The following OSBPL10 variants were observed in gnomAD, a reference collection of about 807,000 sequenced individuals.
OSBPL10 encodes oxysterol-binding protein-related protein 10.
In OSBPL10, 49 loss-of-function variants were observed where a neutral mutation model predicts 81.7. The ratio of observed to expected loss-of-function variants is 0.60; its 90% confidence interval spans 0.48 to 0.76. The LOEUF is 0.76. Among genes scored for constraint, OSBPL10 ranks in the 30% least tolerant of loss-of-function variants. The probability of loss-of-function intolerance (pLI) is 0.00; values close to 1 mark genes in which losing one functional copy is unlikely to be tolerated. For synonymous variants in OSBPL10, 419 were observed against 383.6 expected (o/e 1.09, Z -1.08); for missense variants, 923 against 987.8 (o/e 0.93, Z 0.88).
intron 3 of OSBPL10, among the ~76,000 whole-genome samples, chr3:31,866,817 C>T (rs1701193272): frequency 6.6e-6 from 1 of 152,050 alleles, no homozygotes; most frequent in Non-Finnish European, 1.5e-5. Flanking sequence ...GTGCAATTAT[C>T]ATTCTAAGGG....
At chr3:31,688,279 TCTCTCA>T (rs1469828575) in intron 7 of OSBPL10, among the ~76,000 whole-genome samples, 173 of 77,874 alleles carry the variant, frequency 2.2e-3, no homozygotes, top group African/African-American at 5.1e-3. Flanking sequence ...TCTCTCTCTC[TCTCTCA>T]CACACACACA....
intron 1 of OSBPL10, among the ~76,000 whole-genome samples, chr3:31,909,006 T>C (rs1369223607): frequency 6.6e-6 from 1 of 152,240 alleles, no homozygotes; most frequent in African/African-American, 2.4e-5. Flanking sequence ...AGAAGTATCA[T>C]TTAGCTAAGA....
upstream of OSBPL10, chr3:32,077,595 G>A (rs149737624): frequency 2.8e-4 from 42 of 152,312 alleles, no homozygotes; most frequent in African/African-American, 1.0e-3. Flanking sequence ...AAAGCCTCAG[G>A]TGGGCATGTG....
chr3:31,881,508 AAG>A (rs372841795), intron 1 of OSBPL10, among the ~76,000 whole-genome samples: 1 of 152,228 alleles, frequency 6.6e-6, no homozygotes, highest in African/African-American at 2.4e-5. Context: ...TATTTTTGCA[AAG>A]AGTTTCAGCA....
At chr3:32,041,162 A>G (rs1699571538) in intron 2 of OSBPL10, among the ~76,000 whole-genome samples, 1 of 152,152 alleles carries the variant, frequency 6.6e-6, no homozygotes, top group Admixed American at 6.5e-5. Flanking sequence ...GTGTCAAGAG[A>G]AAAAATGAGG....
intron 4 of OSBPL10, among the ~76,000 whole-genome samples, chr3:31,763,938 T>C (rs1440043336): frequency 1.3e-5 from 2 of 152,196 alleles, no homozygotes; most frequent in Non-Finnish European, 2.9e-5. Context: ...CCACCATTAA[T>C]TAACGTTTAT....
At chr3:31,828,051 C>G (rs758493575) in intron 4 of OSBPL10, among the ~76,000 whole-genome samples, 32 of 151,752 alleles carry the variant, frequency 2.1e-4, no homozygotes, top group Non-Finnish European at 4.4e-4. Flanking sequence ...AACAGTAAGT[C>G]CACAGAGATT....
intron 7 of OSBPL10, among the ~76,000 whole-genome samples, chr3:31,694,768 T>TG (rs932901450): frequency 2.0e-4 from 30 of 152,320 alleles, no homozygotes; most frequent in African/African-American, 7.2e-4. Context: ...TGTTTTGTTT[T>TG]TTTGAGACGG....
chr3:32,057,071 A>G (rs139040409), intron 1 of OSBPL10, among the ~76,000 whole-genome samples: 5 of 152,348 alleles, frequency 3.3e-5, no homozygotes, highest in Non-Finnish European at 7.3e-5. Context: ...GTTACTCTAT[A>G]TGGTCTAAAG....
chr3:31,901,032 T>C (rs1367139789), intron 1 of OSBPL10, among the ~76,000 whole-genome samples: 1 of 152,210 alleles, frequency 6.6e-6, no homozygotes, highest in Non-Finnish European at 1.5e-5. Flanking sequence ...TCTAAAAATA[T>C]TTCAAAACAA....
At chr3:31,999,435 A>G (rs536994065) in intron 2 of OSBPL10, among the ~76,000 whole-genome samples, 2 of 145,580 alleles carry the variant, frequency 1.4e-5, no homozygotes, top group Non-Finnish European at 3.0e-5. Flanking sequence ...ATCTCGGCTC[A>G]CCACAACCTC....
chr3:32,056,415 T>G (rs1291489036), intron 1 of OSBPL10, among the ~76,000 whole-genome samples: 1 of 152,228 alleles, frequency 6.6e-6, no homozygotes, highest in African/African-American at 2.4e-5. Context: ...TCTTATTTAG[T>G]TTACTTGGGA....
chr3:32,028,981 C>CACACACAT (rs1699442506), intron 2 of OSBPL10, among the ~76,000 whole-genome samples: 1 of 148,942 alleles, frequency 6.7e-6, no homozygotes, highest in Non-Finnish European at 1.5e-5. Flanking sequence ...CACACACACA[C>CACACACAT]ACACACACCA....
intron 4 of OSBPL10, among the ~76,000 whole-genome samples, chr3:31,760,190 AG>A (rs1186005459): frequency 6.6e-6 from 1 of 152,062 alleles, no homozygotes; most frequent in Non-Finnish European, 1.5e-5. Flanking sequence ...GGAGAATAGG[AG>A]GGGTTGGTCT....
intron 1 of OSBPL10, among the ~76,000 whole-genome samples, chr3:31,936,571 T>G (rs1697383997): frequency 6.6e-6 from 1 of 152,180 alleles, no homozygotes; most frequent in Non-Finnish European, 1.5e-5. Flanking sequence ...GTAAATTACA[T>G]TTTTCACATT....
chr3:31,672,649 T>C (rs181040657), intron 8 of OSBPL10, among the ~76,000 whole-genome samples: 4 of 152,284 alleles, frequency 2.6e-5, no homozygotes, highest in Admixed American at 2.0e-4. Flanking sequence ...TAGGACACAC[T>C]AGGCTTGTCC....
chr3:31,965,205 T>TA (rs1376346456), intron 1 of OSBPL10, among the ~76,000 whole-genome samples: 1 of 150,510 alleles, frequency 6.6e-6, no homozygotes, highest in South Asian at 2.1e-4. Flanking sequence ...CCGTCTCTAC[T>TA]AAAAATACAA....
chr3:31,862,601 AAATG>A (rs1701084272), intron 3 of OSBPL10, among the ~76,000 whole-genome samples: 1 of 152,214 alleles, frequency 6.6e-6, no homozygotes, highest in Non-Finnish European at 1.5e-5. Context: ...AATAAAATAT[AAATG>A]AATAAAAAAA....
At chr3:31,812,720 A>AAG in intron 4 of OSBPL10, among the ~76,000 whole-genome samples, 1 of 12,146 alleles carries the variant, frequency 8.2e-5, no homozygotes, top group East Asian at 2.6e-3. Flanking sequence ...GGCAAAAAAA[A>AAG]AGAAAGAAAG....
Sources: allele counts gnomAD v4.1 joint callset (sites outside exome capture counted in the v4.1 genomes callset), GRCh38; gene constraint gnomAD v4.1.1; transcripts MANE v1.5; gene names NCBI Gene and HGNC (gene_info 2026-07-23, HGNC 2026-07-21).